The following TTC38 variants were observed in gnomAD, a reference collection of about 807,000 sequenced individuals.
The protein encoded by TTC38 is tetratricopeptide repeat protein 38.
Under a neutral mutation model 64.2 loss-of-function variants are expected in TTC38, and 64 were observed. The observed-to-expected ratio is 1.00, with a 90% CI of 0.81 to 1.23. The LOEUF (loss-of-function observed/expected upper bound fraction) is 1.23, where lower values mean the gene tolerates loss of function less well. Ranked by LOEUF, TTC38 falls within the 50% of genes most tolerant of loss-of-function variation. The probability of loss-of-function intolerance (pLI) is 0.00; values close to 1 mark genes in which losing one functional copy is unlikely to be tolerated. For synonymous variants in TTC38, 254 were observed against 249.3 expected (o/e 1.02, Z -0.18); for missense variants, 573 against 615.5 (o/e 0.93, Z 0.73).
At position 46,276,619 on chromosome 22, in the gene TTC38, G is replaced by C. The variant is rs1305824239; in HGVS notation, c.539+1198G>C. Among the ~76,000 whole-genome samples, 1 of 151,398 alleles carries C rather than the reference G, an allele frequency of 6.6e-6. No individual in the cohort carries two copies. The highest frequency in any genetic ancestry group is 2.4e-5 in the African/African-American group (1 of 41,168). ...AGGCTGTGGCGGGAGGTTCCCTTGA[G>C]CCCAGGAGTTTGAGGCTGCAGTGAG... On this transcript the variant is annotated intron_variant, in intron 5 of 13. Transcript: ENST00000381031. The surrounding 1 kb of genome is among the most constrained non-coding windows in gnomAD (Gnocchi z 4.7).
At chr22:46,284,105 T>C (rs2077554922) in intron 8 of TTC38, 73 bp downstream of exon 8, 1 of 1,319,772 alleles carries the variant, frequency 7.6e-7, no homozygotes, top group Non-Finnish European at 1.1e-6. Flanking sequence ...TTCTAGCTTT[T>C]GCTATGTATT....
At chr22:46,278,723 C>T (rs1211783599) in intron 6 of TTC38, 62 bp downstream of exon 6, 16 of 1,314,792 alleles carry the variant, frequency 1.2e-5, no homozygotes, top group South Asian at 2.4e-5. Context: ...TGGACCAGGG[C>T]ATATGAGGGG....
rs947172842 is a variant in TTC38, at chr22:46,280,501, G to A, written c.616-1098G>A. Among the ~76,000 whole-genome samples the A allele has an allele frequency of 6.6e-5, 10 of 152,366 alleles. No homozygotes were observed. In the East Asian group the frequency reaches 1.9e-3, roughly 29 times the overall value. On this transcript the variant is annotated intron_variant, in intron 6 of 13. Transcript: ENST00000381031. ...CCCTTCACTCCTGCCATTCGTGAAA[G>A]CAGCATGCTTAGCAGGGTCCCGTCT...
intron 2 of TTC38, chr22:46,269,147 TGAGTGGTGGGTG>T: frequency 2.3e-6 from 1 of 437,392 alleles, no homozygotes; most frequent in Non-Finnish European, 4.7e-6. Context: ...CCCAGGACTC[TGAGTGGTGGGTG>T]GACAGCGGTG....
In TTC38 at chr22:46,281,279, T is replaced by C. The variant is rs1381312677; in HGVS notation, c.616-320T>C. ...GTATGTTTTGCAAGCACCTCAGCTG[T>C]ATGCAGAATGCTGTGGGCTTGGGTC... On this transcript the variant is annotated intron_variant, in intron 6 of 13. Coordinates refer to ENST00000381031, the MANE Select transcript of TTC38 (RefSeq NM_017931.4). This position sits in a 1 kb window ranked among gnomAD's most constrained non-coding sequence, Gnocchi z 5.2. 1.3e-5 allele frequency among the ~76,000 whole-genome samples: 2 copies of C among 152,228 alleles called. No individual in the cohort carries two copies. Among genetic ancestry groups the C allele is most frequent in the East Asian group, 3.9e-4 (2 of 5,194 alleles).
chr22:46,269,035 G>T (rs553359106), intron 2 of TTC38: 3 of 367,516 alleles, frequency 8.2e-6, no homozygotes, highest in Non-Finnish European at 1.1e-5. Context: ...ATAGATGGCA[G>T]CACATCTGTG....
chr22:46,268,748 T>C, intron 2 of TTC38, 157 bp downstream of exon 2: 2 of 674,234 alleles, frequency 3.0e-6, no homozygotes, highest in South Asian at 1.8e-5. Context: ...GCAGTGGCGC[T>C]ATTTCGGCTC....
chr22:46,285,246 A>T lies in TTC38; in HGVS notation c.801A>T (p.Glu267Asp), dbSNP rs1325605943. ...GGAGAACTTTATTCTTCCAGGGCGA[A>T]TATGAGGCCGCGCTGACCATCTACG... The part of the protein sequence containing the change: ...HWALYLIEKG[E>D]YEAALTIYDT... Residue 267 changes from glutamate to aspartate, a missense_variant, in exon 9 of 14, where the codon GAA (glutamate) becomes GAT (aspartate). Physicochemically the swap from Glu to Asp is conservative, Grantham distance 45. Transcript: ENST00000381031. 2.5e-6 allele frequency: 4 copies of T among 1,614,072 alleles called. No individual in the cohort carries two copies. The highest frequency in any genetic ancestry group is 2.5e-6 in the Non-Finnish European group (3 of 1,180,012).
At chr22:46,284,602 G>T (rs2077558091) in intron 8 of TTC38, among the ~76,000 whole-genome samples, 1 of 152,108 alleles carries the variant, frequency 6.6e-6, no homozygotes, top group Non-Finnish European at 1.5e-5. Flanking sequence ...AAGGCAGCTG[G>T]GCACAGTGGC....
Position 46,275,248 on chromosome 22 carries a change from GA to G in TTC38, c.368del (p.Asn123ThrfsTer23). 1 of 1,612,628 alleles carries G rather than the reference GA, an allele frequency of 6.2e-7. No homozygotes were observed. The highest frequency in any genetic ancestry group is 1.3e-5 in the African/African-American group (1 of 74,922). On this transcript the variant is annotated frameshift_variant and splice_region_variant, in exon 5 of 14. Coordinates refer to ENST00000381031, the MANE Select transcript of TTC38 (RefSeq NM_017931.4). LOFTEE classifies it high-confidence loss of function. This position sits in a 1 kb window ranked among gnomAD's most constrained non-coding sequence, Gnocchi z 4.5. ...VSAVETFANG[N>X]FPKACELWEQ... is the part of the protein sequence containing the mutation. ...GTGAGAAATCTTTCTCGGTTTCCAG[GA>G]ACTTTCCGAAAGCCTGTGAACTATG...
At chr22:46,289,599 G>C in intron 12 of TTC38, 38 bp downstream of exon 12, 1 of 1,553,454 alleles carries the variant, frequency 6.4e-7, no homozygotes, top group Non-Finnish European at 8.7e-7. Flanking sequence ...CCTAGGGCCT[G>C]GGCCAGGGAG....
intron 9 of TTC38, among the ~76,000 whole-genome samples, chr22:46,286,220 G>C (rs1449860583): frequency 6.6e-6 from 1 of 151,856 alleles, no homozygotes. Context: ...CTGACTCACA[G>C]CTCCCAAGGA....
At position 46,293,128 on chromosome 22, in the gene TTC38, C is replaced by T; in HGVS notation, c.*244C>T. The T allele has an allele frequency of 2.1e-6, 1 of 476,270 alleles. No individual in the cohort carries two copies. The highest frequency in any genetic ancestry group is 3.9e-6 in the Non-Finnish European group (1 of 258,462). 29.5% of individuals were successfully genotyped at this position (476,270 alleles called of 1,614,324 possible). A position where few individuals can be genotyped will look rare whatever the true frequency, so the allele number is the denominator to read the frequency against. On this transcript the variant is annotated 3_prime_UTR_variant, in exon 14 of 14. Coordinates refer to ENST00000381031, the MANE Select transcript of TTC38 (RefSeq NM_017931.4). The surrounding 1 kb of genome is among the most constrained non-coding windows in gnomAD (Gnocchi z 6.6). ...GCAGTCACAGCCAGTGTGAGTGCTG[C>T]TCTTTCCACCTGCCTTGCAAATTCT...
At chr22:46,289,338 G>T in intron 11 of TTC38, 64 bp from the exon 12 acceptor site, 2 of 1,566,194 alleles carry the variant, frequency 1.3e-6, no homozygotes, top group South Asian at 2.3e-5. Context: ...GGAAGAAATG[G>T]CTCTGCCCTT....
rs1325190302 is a variant in TTC38 at position 46,291,479 on chromosome 22, C to G, written c.1317-1312C>G. Among the ~76,000 whole-genome samples, 1 of 152,158 alleles carries G rather than the reference C, an allele frequency of 6.6e-6. No individual in the cohort carries two copies. Among genetic ancestry groups the G allele is most frequent in the Non-Finnish European group, 1.5e-5 (1 of 68,022 alleles). On this transcript the variant is annotated intron_variant, in intron 13 of 13. Transcript: ENST00000381031. This position sits in a 1 kb window ranked among gnomAD's most constrained non-coding sequence, Gnocchi z 4.6. Reference sequence around the variant, plus strand: ...CAAGTCCTGTCCTGCTACCAGGCAGCATCCATGGGGCCATCAGCACAGCTC... The same window carrying G: ...CAAGTCCTGTCCTGCTACCAGGCAGGATCCATGGGGCCATCAGCACAGCTC...
chr22:46,278,550 C>T, intron 5 of TTC38, 36 bp from the exon 6 acceptor site: 1 of 1,568,906 alleles, frequency 6.4e-7, no homozygotes, highest in Non-Finnish European at 8.8e-7. Flanking sequence ...ACCCATCCAT[C>T]ATTTTGTATT....
At chr22:46,269,823 T>C (rs1601863361) in intron 2 of TTC38, among the ~76,000 whole-genome samples, 1 of 152,296 alleles carries the variant, frequency 6.6e-6, no homozygotes, top group South Asian at 2.1e-4. Flanking sequence ...GACGGAGTCT[T>C]GCCCTGTCAC....
Position 46,272,977 on chromosome 22 carries a change from G to A in TTC38, c.193+561G>A, listed in dbSNP as rs958790459. 5.3e-5 allele frequency among the ~76,000 whole-genome samples: 8 copies of A among 152,218 alleles called. No homozygotes were observed. Among genetic ancestry groups the A allele is most frequent in the South Asian group, 2.1e-4 (1 of 4,836 alleles). Reference sequence around the variant, plus strand: ...TGGTCCCGTGGTGCGGCAAGGTTCCGGGCCTGGGAGAAGGTCTGATGAGGG... The same window carrying A: ...TGGTCCCGTGGTGCGGCAAGGTTCCAGGCCTGGGAGAAGGTCTGATGAGGG... On this transcript the variant is annotated intron_variant, in intron 3 of 13. Transcript: ENST00000381031. This position sits in a 1 kb window ranked among gnomAD's most constrained non-coding sequence, Gnocchi z 6.4.
intron 9 of TTC38, among the ~76,000 whole-genome samples, chr22:46,286,442 C>T (rs1393792492): frequency 6.6e-6 from 1 of 152,032 alleles, no homozygotes; most frequent in Admixed American, 6.6e-5. Flanking sequence ...AGGTAGATCA[C>T]CTGAGGTCAG....
Sources: gnomAD v4.1 joint callset for allele counts (sites outside exome capture counted in the v4.1 genomes callset) on GRCh38, gnomAD v4.1.1 for gene constraint, Gnocchi (gnomAD v3.1) non-coding constraint, MANE v1.5 for transcripts, NCBI Gene and HGNC (gene_info 2026-07-23, HGNC 2026-07-21) for gene names.